The following ZC3H12B variants were observed in gnomAD, a reference collection of about 807,000 sequenced individuals.
The protein encoded by ZC3H12B is zinc finger CCCH-type containing 12B.
ZC3H12B carries 7 observed loss-of-function variants against 43.9 expected under a neutral mutation model. The ratio of observed to expected loss-of-function variants is 0.16; its 90% CI spans 0.09 to 0.30. The LOEUF is 0.30. Ranked by LOEUF, ZC3H12B falls within the 10% of genes least tolerant of loss-of-function variation. The probability of loss-of-function intolerance (pLI) is 1.00; values close to 1 mark genes in which losing one functional copy is unlikely to be tolerated. For synonymous variants in ZC3H12B, 222 were observed against 241.7 expected, an observed-to-expected ratio of 0.92 and a Z score of 0.76; for missense variants, 475 against 670.2, an observed-to-expected ratio of 0.71 and a Z score of 3.22.
intron 3 of ZC3H12B, among the ~76,000 whole-genome samples, chrX:65,432,461 C>T (rs1197033275): frequency 8.9e-6 from 1 of 111,839 alleles, no homozygotes; most frequent in Non-Finnish European, 1.9e-5. Flanking sequence ...CTATCTGCTA[C>T]TGACACCTCA....
At chrX:65,191,692 T>A in the ZC3H12B span, among the ~76,000 whole-genome samples, 2 of 108,247 alleles carry the variant, frequency 1.8e-5, no homozygotes, top group Non-Finnish European at 3.8e-5. Context: ...CTTCTCTCTT[T>A]TTTTCTTTAT....
At chrX:65,372,263 G>C (rs890957247) in intron 2 of ZC3H12B, among the ~76,000 whole-genome samples, 2 of 111,815 alleles carry the variant, frequency 1.8e-5, no homozygotes, top group Non-Finnish European at 3.8e-5. Flanking sequence ...GATATTAGAT[G>C]ATGAGACTAT....
At chrX:65,233,957 G>C in the ZC3H12B span, among the ~76,000 whole-genome samples, 3 of 111,214 alleles carry the variant, frequency 2.7e-5, 1 homozygote, top group East Asian at 8.5e-4. Flanking sequence ...ATTTAAAGAA[G>C]AACTAATATC....
the ZC3H12B span, among the ~76,000 whole-genome samples, chrX:65,283,463 G>C: frequency 8.9e-6 from 1 of 111,812 alleles, no homozygotes; most frequent in South Asian, 3.7e-4. Flanking sequence ...AGTGTTGGAA[G>C]TTCTGGCCAG....
intron 3 of ZC3H12B, among the ~76,000 whole-genome samples, chrX:65,442,251 T>C (rs2067311087): frequency 9.1e-6 from 1 of 109,906 alleles, no homozygotes; most frequent in Admixed American, 9.9e-5. Flanking sequence ...CAGAGCAGCC[T>C]GGCAATCGGG....
At chrX:65,067,898 C>G in the ZC3H12B span, among the ~76,000 whole-genome samples, 1 of 110,632 alleles carries the variant, frequency 9.0e-6, no homozygotes, top group Non-Finnish European at 1.9e-5. Context: ...CTTGGTATTG[C>G]TTTTGCTGTA....
At chrX:65,299,798 C>T in the ZC3H12B span, among the ~76,000 whole-genome samples, 2 of 112,239 alleles carry the variant, frequency 1.8e-5, no homozygotes, top group African/African-American at 6.5e-5. Context: ...CAGCTTGCTG[C>T]TAGAGGCTCC....
At chrX:65,437,212 A>G (rs1482877830) in intron 3 of ZC3H12B, among the ~76,000 whole-genome samples, 1 of 111,275 alleles carries the variant, frequency 9.0e-6, no homozygotes. Flanking sequence ...TCGGCCTCCC[A>G]AAGTGCTGGG....
intron 3 of ZC3H12B, among the ~76,000 whole-genome samples, chrX:65,462,496 G>T (rs948091661): frequency 9.0e-6 from 1 of 111,265 alleles, no homozygotes; most frequent in Non-Finnish European, 1.9e-5. Context: ...GCAAGACGCC[G>T]TCTCAAAAAA....
the ZC3H12B span, among the ~76,000 whole-genome samples, chrX:65,078,501 C>G: frequency 9.0e-6 from 1 of 111,730 alleles, no homozygotes; most frequent in African/African-American, 3.3e-5. Flanking sequence ...GTAAGTATTT[C>G]CAGAATGAGG....
chrX:65,137,633 A>C, the ZC3H12B span, among the ~76,000 whole-genome samples: 2 of 112,085 alleles, frequency 1.8e-5, no homozygotes, highest in African/African-American at 6.5e-5. Context: ...CAAATGTAAA[A>C]ATTTGTTTGA....
chrX:65,073,750 A>G, the ZC3H12B span, among the ~76,000 whole-genome samples: 16 of 111,910 alleles, frequency 1.4e-4, no homozygotes, highest in Non-Finnish European at 2.8e-4. Flanking sequence ...TCATCCTACC[A>G]GAATTCCAGA....
intron 3 of ZC3H12B, among the ~76,000 whole-genome samples, chrX:65,453,130 A>T (rs1221584116): frequency 9.3e-6 from 1 of 107,799 alleles, no homozygotes; most frequent in Non-Finnish European, 1.9e-5. Flanking sequence ...TCACCAAAAC[A>T]GCATGGTACT....
At chrX:65,383,700 C>G (rs1346135932) in intron 2 of ZC3H12B, among the ~76,000 whole-genome samples, 6 of 110,904 alleles carry the variant, frequency 5.4e-5, no homozygotes, top group Non-Finnish European at 1.1e-4. Context: ...TCACAACCTA[C>G]TCATCTGACA....
At chrX:65,503,312 G>A (rs1474928158) in exon 5 of ZC3H12B, 2 of 748,658 alleles carry the variant, frequency 2.7e-6, no homozygotes, top group African/African-American at 2.2e-5. Flanking sequence ...CGCTTTACAA[G>A]TTAGAGTGTT....
intron 3 of ZC3H12B, among the ~76,000 whole-genome samples, chrX:65,439,303 A>C (rs1286455414): frequency 1.8e-5 from 2 of 111,765 alleles, no homozygotes; most frequent in Admixed American, 1.9e-4. Flanking sequence ...AGATAATAAG[A>C]ACTTTTGCCA....
chrX:65,425,440 T>C (rs1310623793), intron 3 of ZC3H12B, among the ~76,000 whole-genome samples: 2 of 111,358 alleles, frequency 1.8e-5, no homozygotes, highest in Admixed American at 9.6e-5. Flanking sequence ...CCTCTATTCC[T>C]TTTTGAATAC....
chrX:65,250,325 C>T, the ZC3H12B span, among the ~76,000 whole-genome samples: 1 of 111,994 alleles, frequency 8.9e-6, no homozygotes, highest in Non-Finnish European at 1.9e-5. Context: ...TTTGCTTAAT[C>T]CAGTCAATCA....
At chrX:65,122,304 G>A in the ZC3H12B span, among the ~76,000 whole-genome samples, 2 of 111,012 alleles carry the variant, frequency 1.8e-5, no homozygotes, top group Admixed American at 9.6e-5. Context: ...AAATGAAGGA[G>A]AAATAAAATC....
Sources: allele counts gnomAD v4.1 joint callset (sites outside exome capture counted in the v4.1 genomes callset), GRCh38; gene constraint gnomAD v4.1.1; transcripts MANE v1.5; gene names NCBI Gene and HGNC (gene_info 2026-07-23, HGNC 2026-07-21).